SCARA5: variants seen among roughly 807,000 people sequenced by gnomAD.
The protein encoded by SCARA5 is scavenger receptor class A member 5.
Under a neutral mutation model 46.3 loss-of-function variants are expected in SCARA5, and 45 were observed. The observed-to-expected ratio is 0.97, with a 90% CI of 0.76 to 1.24. SCARA5 has a LOEUF of 1.24. SCARA5 is among the 50% of genes most tolerant of loss of function. The pLI, the probability that SCARA5 is intolerant of heterozygous loss-of-function variation, is 0.00. For missense variants in SCARA5, 680 were observed against 689.0 expected (o/e 0.99, Z 0.15); for synonymous variants, 333 against 306.5 (o/e 1.09, Z -0.90).
chr8:27,989,128 T>G (rs1563203473), intron 1 of SCARA5, among the ~76,000 whole-genome samples: 1 of 134,640 alleles, frequency 7.4e-6, no homozygotes, highest in African/African-American at 2.9e-5. Context: ...TTTCTTTCTT[T>G]CTTTTTTTTT....
chr8:27,949,202 C>T (rs1222531018), intron 3 of SCARA5, among the ~76,000 whole-genome samples: 2 of 152,248 alleles, frequency 1.3e-5, no homozygotes, highest in Non-Finnish European at 2.9e-5. Context: ...GGCTTTCCAG[C>T]TAATCTGTAT....
Position 27,879,618 on chromosome 8 carries a change from G to A in SCARA5, c.1302C>T (p.Leu434=), listed in dbSNP as rs370341120. 3.2e-5 allele frequency: 52 copies of A among 1,611,590 alleles called. No individual in the cohort carries two copies. The highest frequency in any genetic ancestry group is 1.6e-4 in the Middle Eastern group (1 of 6,084). The change falls in exon 8 of 9, where the codon CTC becomes CTT. Residue 434 remains leucine (L), a synonymous_variant. Coordinates refer to ENST00000354914, the MANE Select transcript of SCARA5 (RefSeq NM_173833.6). ...KKDGDVVCRM[L]GFRGVEEVYR... ...ACACCTCCTCCACACCGCGGAAGCC[G>A]AGCATGCGGCACACCACGTCTCCGT...
intron 3 of SCARA5, among the ~76,000 whole-genome samples, chr8:27,956,498 T>C (rs1026603780): frequency 6.6e-6 from 1 of 152,204 alleles, no homozygotes; most frequent in Non-Finnish European, 1.5e-5. Flanking sequence ...GCAAAAGCAC[T>C]TCATGTATTA....
intron 8 of SCARA5, among the ~76,000 whole-genome samples, chr8:27,874,967 T>C (rs1022958980): frequency 2.0e-5 from 3 of 152,160 alleles, no homozygotes; most frequent in African/African-American, 7.2e-5. Flanking sequence ...GCCCTCCCAT[T>C]TGGGTCTTTC....
chr8:27,922,064 C>T lies in SCARA5; in HGVS notation c.423G>A (p.Ala141=), dbSNP rs372992077. The stretch of plus-strand genomic sequence containing the variant: ...CCAGCCGCTGCACTGCGCCCGCCAG[C>T]GCCAGCAACGAGTCTGACTGGTTCT... The part of the protein sequence containing the change: ...ALQNQSDSLL[A]LAGAVQRLEG... The change falls in exon 4 of 9, where the codon GCG becomes GCA. Residue 141 remains alanine, a synonymous_variant. Coordinates refer to ENST00000354914, the MANE Select transcript of SCARA5 (RefSeq NM_173833.6). 1.4e-4 allele frequency: 218 copies of T among 1,591,268 alleles called. No individual in the cohort carries two copies. The highest frequency in any genetic ancestry group is 1.6e-4 in the Non-Finnish European group (190 of 1,171,878).
intron 1 of SCARA5, among the ~76,000 whole-genome samples, chr8:27,990,480 AG>A (rs1288545377): frequency 6.6e-6 from 1 of 152,104 alleles, no homozygotes; most frequent in Non-Finnish European, 1.5e-5. Flanking sequence ...TGTTGGGGGT[AG>A]GCTGATGGCA....
chr8:27,885,388 T>C (rs938635892), intron 7 of SCARA5, among the ~76,000 whole-genome samples: 4 of 152,196 alleles, frequency 2.6e-5, no homozygotes, highest in Non-Finnish European at 5.9e-5. Flanking sequence ...GGGCCCCTTC[T>C]AGGTACATGC....
intron 3 of SCARA5, among the ~76,000 whole-genome samples, chr8:27,924,073 G>T (rs193090032): frequency 6.6e-6 from 1 of 152,204 alleles, no homozygotes; most frequent in Non-Finnish European, 1.5e-5. Flanking sequence ...TCTGACTCAG[G>T]TATGCTACAA....
chr8:27,976,103 G>C (rs1019316689), intron 2 of SCARA5, among the ~76,000 whole-genome samples: 1 of 151,984 alleles, frequency 6.6e-6, no homozygotes, highest in Non-Finnish European at 1.5e-5. Flanking sequence ...CCCGGTGTGC[G>C]TCTTCTTCCG....
At chr8:27,989,666 ATGGAACAGGGGG>A (rs995149035) in intron 1 of SCARA5, among the ~76,000 whole-genome samples, 1 of 152,136 alleles carries the variant, frequency 6.6e-6, no homozygotes, top group Non-Finnish European at 1.5e-5. Flanking sequence ...TATGGGAGGG[ATGGAACAGGGGG>A]TGGTCCTCGG....
intron 8 of SCARA5, among the ~76,000 whole-genome samples, chr8:27,878,714 T>G (rs924700093): frequency 5.3e-5 from 8 of 152,236 alleles, no homozygotes; most frequent in Admixed American, 5.2e-4. Context: ...TGCTTGGGCC[T>G]AAACATCGGG....
chr8:27,953,886 T>C (rs1016024717), intron 3 of SCARA5, among the ~76,000 whole-genome samples: 2 of 152,052 alleles, frequency 1.3e-5, no homozygotes, highest in African/African-American at 4.8e-5. Context: ...GCAATAGGCA[T>C]CAAGAGCCCA....
chr8:27,930,038 TC>T (rs966850334), intron 3 of SCARA5, among the ~76,000 whole-genome samples: 3 of 151,804 alleles, frequency 2.0e-5, no homozygotes, highest in South Asian at 2.1e-4. Context: ...CATGGTATGG[TC>T]CCCCCCAGTC....
intron 3 of SCARA5, among the ~76,000 whole-genome samples, chr8:27,956,924 A>C (rs1231690955): frequency 1.3e-5 from 2 of 152,222 alleles, no homozygotes; most frequent in African/African-American, 4.8e-5. Flanking sequence ...ACTTCTCTCC[A>C]AAAGGGTGGA....
chr8:27,979,888 C>G (rs570177152), intron 2 of SCARA5, among the ~76,000 whole-genome samples: 16 of 152,230 alleles, frequency 1.1e-4, no homozygotes, highest in African/African-American at 3.9e-4. Context: ...AAGCACCACA[C>G]AAAGCCATCC....
intron 3 of SCARA5, among the ~76,000 whole-genome samples, chr8:27,939,880 A>G (rs985097937): frequency 6.6e-6 from 1 of 152,154 alleles, no homozygotes; most frequent in African/African-American, 2.4e-5. Context: ...GGAGCCCCAG[A>G]CTATCTGCCT....
At chr8:27,887,813 G>A (rs1185170770) in intron 7 of SCARA5, among the ~76,000 whole-genome samples, 1 of 152,166 alleles carries the variant, frequency 6.6e-6, no homozygotes, top group East Asian at 1.9e-4. Context: ...GAAATTCTAG[G>A]CTAGCCCCAA....
At chr8:27,920,626 C>A (rs575552296) in intron 4 of SCARA5, among the ~76,000 whole-genome samples, 50 of 101,844 alleles carry the variant, frequency 4.9e-4, no homozygotes, top group South Asian at 1.2e-3. Context: ...AAAAAAAAAA[C>A]CAAAACAAAA....
chr8:27,919,240 C>CA (rs1563525798), intron 4 of SCARA5, among the ~76,000 whole-genome samples: 25 of 2,322 alleles, frequency 0.011, no homozygotes, highest in Non-Finnish European at 0.038. Flanking sequence ...GAGGAAGAGA[C>CA]GGAGGAGGAA....
Sources: gnomAD v4.1 joint callset for allele counts (sites outside exome capture counted in the v4.1 genomes callset) on GRCh38, gnomAD v4.1.1 for gene constraint, MANE v1.5 for transcripts, NCBI Gene and HGNC (gene_info 2026-07-23, HGNC 2026-07-21) for gene names.